Variants in TACC3 observed in about 807,000 individuals in gnomAD.
TACC3 encodes transforming acidic coiled-coil-containing protein 3.
TACC3 carries 52 observed loss-of-function variants against 86.0 expected under a neutral mutation model. That is an observed-to-expected ratio of 0.60 (90% confidence interval 0.48 to 0.76). The LOEUF is 0.76. TACC3 is among the 30% of genes least tolerant of loss of function. The pLI, the probability that TACC3 is intolerant of heterozygous loss-of-function variation, is 0.00. For missense variants in TACC3, 1,120 were observed against 1,070.4 expected (o/e 1.05, Z -0.65); for synonymous variants, 512 against 430.0 (o/e 1.19, Z -2.36).
At chr4:1,730,755 C>A in intron 4 of TACC3, 132 bp from the exon 5 acceptor site, 1 of 1,068,184 alleles carries the variant, frequency 9.4e-7, no homozygotes, top group Non-Finnish European at 1.4e-6. Context: ...CCATGCCTGG[C>A]ACGCTCTAGC....
At position 1,745,089 on chromosome 4, in the gene TACC3, T is replaced by A; in HGVS notation, c.*76T>A. On this transcript the variant is annotated 3_prime_UTR_variant, in exon 16 of 16. Transcript: ENST00000313288. ...TCTGATTCTCTTAGGTGTCATGTTCTTTTTTCTGTCTTGTCTTCAACTTTT... is the reference window on the plus strand; with the variant it reads ...TCTGATTCTCTTAGGTGTCATGTTCATTTTTCTGTCTTGTCTTCAACTTTT... 1 of 1,450,834 alleles carries A rather than the reference T, an allele frequency of 6.9e-7. No individual in the cohort carries two copies. The highest frequency in any genetic ancestry group is 9.3e-7 in the Non-Finnish European group (1 of 1,070,286). The allele number at this position is 1,450,834 out of a possible 1,614,324, so 89.9% of individuals were successfully genotyped here. A position where few individuals can be genotyped will look rare whatever the true frequency, so the allele number is the denominator to read the frequency against.
intron 3 of TACC3, 99 bp from the exon 4 acceptor site, chr4:1,727,609 C>T: frequency 2.6e-6 from 4 of 1,510,512 alleles, no homozygotes; most frequent in Non-Finnish European, 3.5e-6. Flanking sequence ...AGCCCTGCTT[C>T]TGGTGTGAGA....
Position 1,723,999 on chromosome 4 carries a change from C to G in TACC3, c.305+129C>G, listed in dbSNP as rs41286675. ...TGTTTGTTTGTTTGAGATGGAGTCT[C>G]GCTCTGTTGCCCACGCTGGAGTGCA... On this transcript the variant is annotated intron_variant, in intron 3 of 15. Coordinates refer to ENST00000313288, the MANE Select transcript of TACC3 (RefSeq NM_006342.3). 4.5e-3 allele frequency: 4,696 copies of G among 1,050,060 alleles called. 15 individuals carry two copies. The highest frequency in any genetic ancestry group is 5.8e-3 in the Non-Finnish European group (4,170 of 724,866). The allele number at this position is 1,050,060 out of a possible 1,614,324, so 65.0% of individuals were successfully genotyped here.
chr4:1,723,765 A>C lies in TACC3; in HGVS notation c.200A>C (p.His67Pro), dbSNP rs776875405. Residue 67 changes from histidine to proline, a missense_variant, in exon 3 of 16, where the codon CAC (histidine) becomes CCC (proline). Coordinates refer to ENST00000313288, the MANE Select transcript of TACC3 (RefSeq NM_006342.3). ...FQTPLRDPQTHRILSPSMASK... is the reference protein window; with the variant it reads ...FQTPLRDPQTPRILSPSMASK... ...ACACCTCTGCGGGATCCACAGACGC[A>C]CAGGATTCTAAGTCCTAGCATGGCC... 3 of 1,613,750 alleles carry C rather than the reference A, an allele frequency of 1.9e-6. No homozygotes were observed. Among genetic ancestry groups the C allele is most frequent in the Non-Finnish European group, 2.5e-6 (3 of 1,180,034 alleles).
intron 12 of TACC3, 93 bp from the exon 13 acceptor site, chr4:1,740,733 G>A (rs41286679): frequency 3.6e-4 from 418 of 1,173,208 alleles, no homozygotes; most frequent in Middle Eastern, 4.9e-4. Flanking sequence ...TCCTCCTGGC[G>A]CTCGAGTCCC....
rs765604470 is a variant in TACC3 at position 1,735,131 on chromosome 4, C to G, written c.1592-142C>G. ...GCGCCTGCCGCAGACAGCAGTCAGG[C>G]CCCGAACATCCACACCTCCAAGGGA... On this transcript the variant is annotated intron_variant, in intron 6 of 15. Coordinates refer to ENST00000313288, the MANE Select transcript of TACC3 (RefSeq NM_006342.3). The surrounding 1 kb of genome is among the most constrained non-coding windows in gnomAD (Gnocchi z 4.2). 12 of 1,164,778 alleles carry G rather than the reference C, an allele frequency of 1.0e-5. No homozygotes were observed. The highest frequency in any genetic ancestry group is 1.5e-5 in the Non-Finnish European group (12 of 813,012). 72.2% of individuals were successfully genotyped at this position (1,164,778 alleles called of 1,614,324 possible).
Position 1,737,598 on chromosome 4 carries a change from G to A in TACC3, c.1837G>A (p.Val613Met). 6.6e-7 allele frequency: 1 copy of A among 1,506,052 alleles called. No individual in the cohort carries two copies. Among genetic ancestry groups the A allele is most frequent in the Non-Finnish European group, 8.9e-7 (1 of 1,122,540 alleles). 93.3% of individuals were successfully genotyped at this position (1,506,052 alleles called of 1,614,324 possible). A position where few individuals can be genotyped will look rare whatever the true frequency, so the allele number is the denominator to read the frequency against. Residue 613 changes from valine (V) to methionine (M), a missense_variant and splice_region_variant, in exon 10 of 16, where the codon GTG becomes ATG. Val to Met is a conservative substitution (Grantham distance 21, BLOSUM62 1). Transcript: ENST00000313288. Reference sequence around the variant, plus strand: ...CCTGTTTCATCCCCATCTCCCGCAGGTGCCAGGCCCACCCCCAGGTGTTCC... The same window carrying A: ...CCTGTTTCATCCCCATCTCCCGCAGATGCCAGGCCCACCCCCAGGTGTTCC... ...FDFLGALDIP[V>M]PGPPPGVPAP... is the part of the protein sequence containing the mutation.
intron 3 of TACC3, among the ~76,000 whole-genome samples, chr4:1,725,579 A>G (rs1391313136): frequency 2.0e-5 from 3 of 152,190 alleles, no homozygotes; most frequent in East Asian, 1.9e-4. Context: ...GATCCGTCCC[A>G]GAGCCACAGA....
Position 1,730,963 on chromosome 4 carries a change from G to C in TACC3, c.1461+1G>C, listed in dbSNP as rs760988437. On this transcript the variant is annotated splice_donor_variant, in intron 5 of 15. Coordinates refer to ENST00000313288, the MANE Select transcript of TACC3 (RefSeq NM_006342.3). LOFTEE classifies it high-confidence loss of function. Reference sequence around the variant, plus strand: ...CGAGACCCCAACAGCAGAGAGCAAGGTAAGGGGTGCTTGTGTGGGTACCTG... The same window carrying C: ...CGAGACCCCAACAGCAGAGAGCAAGCTAAGGGGTGCTTGTGTGGGTACCTG... The C allele has an allele frequency of 6.2e-7, 1 of 1,613,484 alleles. No homozygotes were observed. Among genetic ancestry groups the C allele is most frequent in the South Asian group, 1.1e-5 (1 of 91,086 alleles).
intron 12 of TACC3, 74 bp downstream of exon 12, chr4:1,740,076 A>C: frequency 6.6e-7 from 1 of 1,521,630 alleles, no homozygotes; most frequent in Non-Finnish European, 9.1e-7. Flanking sequence ...CCTGCCCTGC[A>C]CCCTGCCTAG....
At chr4:1,739,421 G>A (rs1012029259) in intron 10 of TACC3, 3 of 514,736 alleles carry the variant, frequency 5.8e-6, no homozygotes, top group Non-Finnish European at 6.9e-6. Context: ...GGGCTGCGGG[G>A]GCAGCTGCAG....
intron 1 of TACC3, among the ~76,000 whole-genome samples, chr4:1,722,568 C>T (rs1467444287): frequency 6.6e-6 from 1 of 152,194 alleles, no homozygotes; most frequent in African/African-American, 2.4e-5. Context: ...TGCCCCCTCT[C>T]TCTTCTCCAG....
Position 1,727,954 on chromosome 4 carries a change from A to G in TACC3, c.552A>G (p.Glu184=). ...GCAGCCCTGAGCAAGCCGTGGAGGA[A>G]AACCTTAGTTCCTATTCCTTAGACA... is the stretch of plus-strand genomic sequence containing the variant. ...VSGSPEQAVE[E]NLSSYSLDRR... The change falls in exon 4 of 16, where the codon GAA becomes GAG. Residue 184 remains glutamate (E), a synonymous_variant. Coordinates refer to ENST00000313288, the MANE Select transcript of TACC3 (RefSeq NM_006342.3). 1 of 1,613,750 alleles carries G rather than the reference A, an allele frequency of 6.2e-7. No individual in the cohort carries two copies. Among genetic ancestry groups the G allele is most frequent in the Non-Finnish European group, 8.5e-7 (1 of 1,180,032 alleles).
chr4:1,727,988 A>C lies in TACC3; in HGVS notation c.586A>C (p.Thr196Pro). 6.2e-7 allele frequency: 1 copy of C among 1,613,040 alleles called. No homozygotes were observed. Among genetic ancestry groups the C allele is most frequent in the Non-Finnish European group, 8.5e-7 (1 of 1,180,004 alleles). ...TTCCTATTCCTTAGACAGAAGAGTG[A>C]CACCCGCCTCTGAGACCCTAGAAGA... ...LSSYSLDRRV[T>P]PASETLEDPC... Residue 196 changes from threonine to proline, a missense_variant, in exon 4 of 16, where the codon ACA (threonine) becomes CCA (proline). By Grantham distance (38) the Thr-to-Pro change is conservative. Transcript: ENST00000313288.
In TACC3 at chr4:1,728,206, G is replaced by T. The variant is rs779732061; in HGVS notation, c.804G>T (p.Leu268=). 1 of 1,611,774 alleles carries T rather than the reference G, an allele frequency of 6.2e-7. No individual in the cohort carries two copies. Among genetic ancestry groups the T allele is most frequent in the South Asian group, 1.1e-5 (1 of 90,934 alleles). Residue 268 remains leucine, a synonymous_variant, in exon 4 of 16, where the codon CTG becomes CTT. Transcript: ENST00000313288. ...EACGGAPLQG[L]PGEALGCPAG... ...GCGGAGGAGCACCCCTGCAGGGTCT[G>T]CCTGGCGAAGCCCTGGGCTGCCCTG...
rs1718238767 is a variant in TACC3, at chr4:1,735,889, G to A, written c.1748+55G>A. 3 of 1,295,052 alleles carry A rather than the reference G, an allele frequency of 2.3e-6. No homozygotes were observed. The highest frequency in any genetic ancestry group is 3.3e-6 in the Non-Finnish European group (3 of 919,976). The allele number at this position is 1,295,052 out of a possible 1,614,324, so 80.2% of individuals were successfully genotyped here. On this transcript the variant is annotated intron_variant, in intron 8 of 15. Coordinates refer to ENST00000313288, the MANE Select transcript of TACC3 (RefSeq NM_006342.3). This position sits in a 1 kb window ranked among gnomAD's most constrained non-coding sequence, Gnocchi z 4.2. ...AAGCCTTGAGTGTGGGAAGACTGGA[G>A]GCTGTTCCTAGGTGTGCTGTCTGCA...
At position 1,739,926 on chromosome 4, in the gene TACC3, G is replaced by A. The variant is rs751354022; in HGVS notation, c.2019-33G>A. On this transcript the variant is annotated intron_variant, in intron 11 of 15. Transcript: ENST00000313288. ...TGGCCTGGGACCGCTGGGCACCCGAGGCAATGGCTGTGTGTCTGTTCTCCT... is the reference window on the plus strand; with the variant it reads ...TGGCCTGGGACCGCTGGGCACCCGAAGCAATGGCTGTGTGTCTGTTCTCCT... 4 of 1,612,708 alleles carry A rather than the reference G, an allele frequency of 2.5e-6. No homozygotes were observed. The African/African-American group carries it at 5.3e-5, about 22-fold the overall frequency.
chr4:1,739,041 G>A (rs569690188), intron 10 of TACC3, among the ~76,000 whole-genome samples: 1 of 152,302 alleles, frequency 6.6e-6, no homozygotes, highest in Non-Finnish European at 1.5e-5. Context: ...GGGTGCAGTG[G>A]GTCACGCCTG....
At chr4:1,743,545 T>A (rs1305862010) in intron 13 of TACC3, among the ~76,000 whole-genome samples, 1 of 52,752 alleles carries the variant, frequency 1.9e-5, no homozygotes, top group African/African-American at 5.3e-5. Context: ...AGAGTGAGTC[T>A]CCGTCTAAAA....
Sources: gnomAD v4.1 joint callset for allele counts (sites outside exome capture counted in the v4.1 genomes callset) on GRCh38, gnomAD v4.1.1 for gene constraint, Gnocchi (gnomAD v3.1) non-coding constraint, MANE v1.5 for transcripts, NCBI Gene and HGNC (gene_info 2026-07-23, HGNC 2026-07-21) for gene names.